The following CAND1 variants were observed in gnomAD, a reference collection of about 807,000 sequenced individuals.
CAND1 encodes the protein cullin associated and neddylation dissociated 1.
Under a neutral mutation model 108.5 loss-of-function variants are expected in CAND1, and 7 were observed. The ratio of observed to expected loss-of-function variants is 0.06; its 90% CI spans 0.04 to 0.12. CAND1 has a LOEUF of 0.12. CAND1 is among the 10% of genes least tolerant of loss of function. The pLI is 1.00. For missense variants in CAND1, 941 were observed against 1,448.7 expected, an observed-to-expected ratio of 0.65 and a Z score of 5.69; for synonymous variants, 534 against 512.0, an observed-to-expected ratio of 1.04 and a Z score of -0.58.
chr12:67,309,739 G>A (rs1007282962), intron 11 of CAND1, among the ~76,000 whole-genome samples, 162 bp from the exon 12 acceptor site: 6 of 151,964 alleles, frequency 3.9e-5, no homozygotes, highest in African/African-American at 7.2e-5. Context: ...TGAAAGAAAC[G>A]TTATGGTTCA....
In CAND1 at chr12:67,297,794, T is replaced by C; in HGVS notation, c.795T>C (p.Asn265=). The C allele has an allele frequency of 1.2e-6, 2 of 1,610,254 alleles. No individual in the cohort carries two copies. Among genetic ancestry groups the C allele is most frequent in the Non-Finnish European group, 8.5e-7 (1 of 1,177,180 alleles). The change falls in exon 6 of 15, where the codon AAT becomes AAC. Residue 265 remains asparagine, a synonymous_variant. Transcript: ENST00000545606. ...TTCCTTTGGTGGTAAAATTTTGCAA[T>C]GTAGATGATGATGAATTAAGAGAGT... ...KIIPLVVKFC[N]VDDDELREYC...
rs1314578394 is a variant in CAND1 at position 67,313,732 on chromosome 12, C to T, written c.*902C>T. On this transcript the variant is annotated 3_prime_UTR_variant, in exon 15 of 15. Coordinates refer to ENST00000545606, the MANE Select transcript of CAND1 (RefSeq NM_018448.5). ...TTACCCATTTGTGTGTGTGTGATTC[C>T]ACTTAGAAATTCTTAAAACCAGATT... is the stretch of plus-strand genomic sequence containing the variant. 1 of 152,388 alleles carries T rather than the reference C, an allele frequency of 6.6e-6. No homozygotes were observed. The highest frequency in any genetic ancestry group is 1.5e-5 in the Non-Finnish European group (1 of 67,968). The allele number at this position is 152,388 out of a possible 1,614,324, so 9.4% of individuals were successfully genotyped here. A position where few individuals can be genotyped will look rare whatever the true frequency, so the allele number is the denominator to read the frequency against.
intron 13 of CAND1, 46 bp downstream of exon 13, chr12:67,310,362 T>C (rs1565730647): frequency 1.5e-5 from 21 of 1,388,882 alleles, no homozygotes; most frequent in East Asian, 4.6e-5. Flanking sequence ...AAGAAGACTT[T>C]GCTAGAGCAA....
intron 11 of CAND1, among the ~76,000 whole-genome samples, chr12:67,309,371 C>T (rs1342198019): frequency 6.6e-6 from 1 of 151,896 alleles, no homozygotes; most frequent in African/African-American, 2.4e-5. Context: ...GTATTTCTTA[C>T]TGAAGACAGA....
In CAND1 at chr12:67,315,940, A is replaced by C. The variant is rs1418682539; in HGVS notation, c.*3110A>C. ...TAGTTAGTCACAAGACAAAGTATAT[A>C]GTAACACTTTGTAATGAAGTAACAT... On this transcript the variant is annotated 3_prime_UTR_variant, in exon 15 of 15. Transcript: ENST00000545606. The C allele has an allele frequency of 6.6e-6, 1 of 152,230 alleles. No individual in the cohort carries two copies. Among genetic ancestry groups the C allele is most frequent in the Non-Finnish European group, 1.5e-5 (1 of 68,034 alleles). The allele number at this position is 152,230 out of a possible 1,614,324, so 9.4% of individuals were successfully genotyped here.
rs2044886745 is a variant in CAND1, at chr12:67,306,449, A to G, written c.2781A>G (p.Pro927=). ...ISSASVVGLK[P]YVENIWALLL... is the part of the protein sequence containing the mutation. ...CTGCATCAGTGGTGGGCCTTAAACC[A>G]TATGTTGAAAACATCTGGGCCTTAT... The change falls in exon 10 of 15, where the codon CCA becomes CCG. Residue 927 remains proline (P), a synonymous_variant. Coordinates refer to ENST00000545606, the MANE Select transcript of CAND1 (RefSeq NM_018448.5). 6 of 1,613,928 alleles carry G rather than the reference A, an allele frequency of 3.7e-6. No individual in the cohort carries two copies. The highest frequency in any genetic ancestry group is 1.6e-4 in the Middle Eastern group (1 of 6,084).
intron 8 of CAND1, 80 bp downstream of exon 8, chr12:67,302,695 T>C: frequency 3.2e-6 from 4 of 1,245,480 alleles, no homozygotes; most frequent in Non-Finnish European, 4.5e-6. Flanking sequence ...GAAAGGTGAG[T>C]TCCAGAATAT....
chr12:67,307,696 A>G (rs1031932404), intron 11 of CAND1, among the ~76,000 whole-genome samples: 5 of 152,120 alleles, frequency 3.3e-5, no homozygotes, highest in African/African-American at 1.2e-4. Flanking sequence ...TTGCACATAA[A>G]TGAAGTTATA....
chr12:67,298,384 C>G (rs1212596506), intron 6 of CAND1, among the ~76,000 whole-genome samples: 2 of 152,068 alleles, frequency 1.3e-5, no homozygotes, highest in Admixed American at 6.5e-5. Flanking sequence ...TGAGACCTTA[C>G]TGGTTGTTTT....
At chr12:67,275,289 G>A (rs1729741881) in intron 1 of CAND1, among the ~76,000 whole-genome samples, 1 of 152,160 alleles carries the variant, frequency 6.6e-6, no homozygotes, top group African/African-American at 2.4e-5. Context: ...CACTTTGGGA[G>A]GCCAAGGCAG....
intron 4 of CAND1, 108 bp from the exon 5 acceptor site, chr12:67,297,299 A>T (rs1159605589): frequency 1.9e-6 from 2 of 1,054,080 alleles, no homozygotes; most frequent in Non-Finnish European, 2.9e-6. Flanking sequence ...GTCTCAACTA[A>T]ATTTGTGTTC....
rs1358346260 is a variant in CAND1 at position 67,269,827 on chromosome 12, G to T, written c.68+42G>T. 4 of 1,554,710 alleles carry T rather than the reference G, an allele frequency of 2.6e-6. No individual in the cohort carries two copies. The Admixed American group carries it at 5.3e-5, about 21-fold the overall frequency. ...ACCCTCACCCCACCTCGGGGTTCTCGCAGCCGCGGCCCTGGCCGTCACGCA... is the reference window on the plus strand; with the variant it reads ...ACCCTCACCCCACCTCGGGGTTCTCTCAGCCGCGGCCCTGGCCGTCACGCA... On this transcript the variant is annotated intron_variant, in intron 1 of 14. Transcript: ENST00000545606.
At chr12:67,281,007 G>A (rs1274782469) in intron 1 of CAND1, among the ~76,000 whole-genome samples, 1 of 152,064 alleles carries the variant, frequency 6.6e-6, no homozygotes, top group Admixed American at 6.6e-5. Context: ...GTGGGAGGCC[G>A]AGGTAGGTGG....
chr12:67,293,964 A>G (rs2044744921), intron 3 of CAND1, among the ~76,000 whole-genome samples: 1 of 152,092 alleles, frequency 6.6e-6, no homozygotes, highest in South Asian at 2.1e-4. Context: ...ATTCACCCAA[A>G]GTTGGGTGAG....
At chr12:67,292,979 C>T in intron 3 of CAND1, 1 of 505,204 alleles carries the variant, frequency 2.0e-6, no homozygotes, top group South Asian at 2.3e-5. Context: ...TTTGATTGAA[C>T]TTGTATGTAA....
chr12:67,289,367 T>TACC (rs3051302), intron 2 of CAND1, among the ~76,000 whole-genome samples: 112,832 of 151,722 alleles, frequency 0.74, 42,901 homozygotes, highest in African/African-American at 0.9. Flanking sequence ...TACAGGCATG[T>TACC]ACCATGTCCA....
At position 67,274,520 on chromosome 12, in the gene CAND1, A is replaced by ACGGAAT. The variant is rs1164020057; in HGVS notation, c.68+4738_68+4743dup. Among the ~76,000 whole-genome samples, 3 of 152,218 alleles carry ACGGAAT rather than the reference A, an allele frequency of 2.0e-5. No individual in the cohort carries two copies. The East Asian group carries it at 5.8e-4, about 29-fold the overall frequency. On this transcript the variant is annotated intron_variant, in intron 1 of 14. Coordinates refer to ENST00000545606, the MANE Select transcript of CAND1 (RefSeq NM_018448.5). The stretch of plus-strand genomic sequence containing the variant: ...AAGAATAGGGACCTTGTCTTACTAA[A>ACGGAAT]CGGAATCGTTCTCTTTGTCTGGCTC...
rs1441747021 is a variant in CAND1, at chr12:67,314,072, G to A, written c.*1242G>A. 1 of 152,236 alleles carries A rather than the reference G, an allele frequency of 6.6e-6. No homozygotes were observed. The highest frequency in any genetic ancestry group is 1.5e-5 in the Non-Finnish European group (1 of 67,990). The allele number at this position is 152,236 out of a possible 1,614,324, so 9.4% of individuals were successfully genotyped here. On this transcript the variant is annotated 3_prime_UTR_variant, in exon 15 of 15. Coordinates refer to ENST00000545606, the MANE Select transcript of CAND1 (RefSeq NM_018448.5). Reference sequence around the variant, plus strand: ...TTCAGTGAGCTCATTTCACACTGTAGCCTCTTCCTTAAAATTTGTGGTGCT... The same window carrying A: ...TTCAGTGAGCTCATTTCACACTGTAACCTCTTCCTTAAAATTTGTGGTGCT...
intron 1 of CAND1, among the ~76,000 whole-genome samples, chr12:67,279,412 C>A (rs1002088568): frequency 1.3e-5 from 2 of 152,078 alleles, no homozygotes; most frequent in Admixed American, 1.3e-4. Context: ...AAACAGCTTC[C>A]TTAATAAGAT....
Sources: allele counts gnomAD v4.1 joint callset (sites outside exome capture counted in the v4.1 genomes callset), GRCh38; gene constraint gnomAD v4.1.1; transcripts MANE v1.5; gene names NCBI Gene and HGNC (gene_info 2026-07-23, HGNC 2026-07-21).